Variants in NSD1 observed in about 807,000 individuals in gnomAD.
The protein encoded by NSD1 is histone-lysine N-methyltransferase, H3 lysine-36 specific.
A neutral mutation model predicts 242.7 loss-of-function variants in NSD1; 26 were observed. The ratio of observed to expected loss-of-function variants is 0.11; its 90% CI spans 0.08 to 0.15. NSD1 has a LOEUF of 0.15. Among genes scored for constraint, NSD1 ranks in the 10% least tolerant of loss-of-function variants. The probability of loss-of-function intolerance (pLI) is 1.00; values close to 1 mark genes in which losing one functional copy is unlikely to be tolerated. For missense variants in NSD1, 2,495 were observed against 3,272.8 expected (o/e 0.76, Z 5.80); for synonymous variants, 1,106 against 1,178.1 (o/e 0.94, Z 1.25).
chr5:177,192,975 C>A (rs532715165), intron 3 of NSD1, among the ~76,000 whole-genome samples: 4 of 152,158 alleles, frequency 2.6e-5, no homozygotes, highest in African/African-American at 9.6e-5. Flanking sequence ...AATATAAAAG[C>A]TGAAACAATT....
intron 5 of NSD1, among the ~76,000 whole-genome samples, chr5:177,220,821 T>G (rs1366270438): frequency 6.6e-6 from 1 of 152,094 alleles, no homozygotes; most frequent in Non-Finnish European, 1.5e-5. Flanking sequence ...TCCACCTGCC[T>G]TAGCTTCTCA....
In NSD1 at chr5:177,212,445, ATCTT is replaced by A. The variant is rs200389124; in HGVS notation, c.3796+258_3796+261del. 1.3e-3 allele frequency among the ~76,000 whole-genome samples: 192 copies of A among 149,252 alleles called. 4 individuals are homozygous for A. Among genetic ancestry groups the A allele is most frequent in the Admixed American group, 9.2e-3 (139 of 15,032 alleles). On this transcript the variant is annotated intron_variant, in intron 5 of 22. Transcript: ENST00000439151. The stretch of plus-strand genomic sequence containing the variant: ...ACCTTTTCAAGTAAATCTCTATAAC[ATCTT>A]TCTTTCTCACTTTCTCTCTCTCTCT...
At chr5:177,226,333 C>T (rs1270260204) in intron 5 of NSD1, among the ~76,000 whole-genome samples, 2 of 152,242 alleles carry the variant, frequency 1.3e-5, no homozygotes, top group South Asian at 4.1e-4. Flanking sequence ...CCGGGCCCGG[C>T]CAGTAGTGTG....
At chr5:177,250,412 C>T (rs374796319) in intron 11 of NSD1, among the ~76,000 whole-genome samples, 2 of 152,246 alleles carry the variant, frequency 1.3e-5, no homozygotes, top group African/African-American at 4.8e-5. Flanking sequence ...ATTAATAGCA[C>T]TTCTTTTCAC....
chr5:177,181,427 GTTTT>G (rs34848476), intron 2 of NSD1, among the ~76,000 whole-genome samples: 5 of 117,336 alleles, frequency 4.3e-5, no homozygotes, highest in African/African-American at 1.8e-4. Flanking sequence ...TTTTTTTTTG[GTTTT>G]TTTTTTTTTT....
intron 19 of NSD1, 130 bp from the exon 20 acceptor site, chr5:177,283,657 T>C (rs746537049): frequency 8.5e-6 from 9 of 1,063,922 alleles, no homozygotes; most frequent in Admixed American, 3.9e-5. Context: ...CCAAAGTTCT[T>C]TGGGATCTTT....
At position 177,199,760 on chromosome 5, in the gene NSD1, C is replaced by T. The variant is rs565396025; in HGVS notation, c.1064-4360C>T. ...GATTACAGGCACCTGCCACCACGCC[C>T]GGCTAATTTAATTTTTAGTAGAGAC... is the stretch of plus-strand genomic sequence containing the variant. On this transcript the variant is annotated intron_variant, in intron 3 of 22. Transcript: ENST00000439151. Among the ~76,000 whole-genome samples the T allele has an allele frequency of 1.1e-3, 166 of 151,934 alleles. 1 individual carries two copies. The highest frequency in any genetic ancestry group is 3.8e-3 in the African/African-American group (156 of 41,416).
intron 2 of NSD1, among the ~76,000 whole-genome samples, chr5:177,149,649 G>A (rs530549897): frequency 6.6e-6 from 1 of 152,244 alleles, no homozygotes; most frequent in South Asian, 2.1e-4. Flanking sequence ...TTCCACCTTA[G>A]ATTATCACGC....
At chr5:177,243,236 G>A (rs937811567) in intron 8 of NSD1, among the ~76,000 whole-genome samples, 1 of 151,998 alleles carries the variant, frequency 6.6e-6, no homozygotes, top group Non-Finnish European at 1.5e-5. Context: ...GGCTGTTGTA[G>A]TGCAGTGGCG....
At chr5:177,195,570 C>T (rs1013384544) in intron 3 of NSD1, among the ~76,000 whole-genome samples, 5 of 152,058 alleles carry the variant, frequency 3.3e-5, no homozygotes, top group East Asian at 1.9e-4. Flanking sequence ...CAGGGTCAAG[C>T]GATCTTCCCT....
intron 14 of NSD1, chr5:177,265,587 C>CT: frequency 7.8e-7 from 1 of 1,287,790 alleles, no homozygotes; most frequent in Non-Finnish European, 1.1e-6. Flanking sequence ...ATCCTGTAGT[C>CT]TGTGGAGCAG....
At position 177,298,986 on chromosome 5, in the gene NSD1, C is replaced by T; in HGVS notation, c.*3527C>T. On this transcript the variant is annotated 3_prime_UTR_variant, in exon 23 of 23. Coordinates refer to ENST00000439151, the MANE Select transcript of NSD1 (RefSeq NM_022455.5). ...GGCAGAGAAGGAGCTGCCTCCAGCC[C>T]CTTTCTTGCTGAGTTTCATTTGAGC... 2 of 233,180 alleles carry T rather than the reference C, an allele frequency of 8.6e-6. No homozygotes were observed. The allele number at this position is 233,180 out of a possible 1,614,324, so 14.4% of individuals were successfully genotyped here. A position where few individuals can be genotyped will look rare whatever the true frequency, so the allele number is the denominator to read the frequency against.
intron 5 of NSD1, among the ~76,000 whole-genome samples, chr5:177,215,947 A>G (rs1013102568): frequency 1.3e-5 from 2 of 151,448 alleles, no homozygotes; most frequent in Non-Finnish European, 2.9e-5. Flanking sequence ...TGCAGCCTCA[A>G]ACTCCTGGGC....
chr5:177,158,237 ATTTCTTTC>A (rs1166834243), intron 2 of NSD1, among the ~76,000 whole-genome samples: 9,782 of 108,110 alleles, frequency 0.09, 754 homozygotes, highest in Middle Eastern at 0.17. Context: ...ATGGGTTCTA[ATTTCTTTC>A]TTTCTTTCTT....
At chr5:177,279,389 C>T (rs1381465693) in intron 17 of NSD1, among the ~76,000 whole-genome samples, 11 of 151,928 alleles carry the variant, frequency 7.2e-5, no homozygotes, top group Non-Finnish European at 1.5e-4. Context: ...TCCCAGCTAC[C>T]TGGGAGGCTG....
chr5:177,139,010 G>A (rs1756582719), intron 2 of NSD1, among the ~76,000 whole-genome samples: 1 of 150,720 alleles, frequency 6.6e-6, no homozygotes, highest in Admixed American at 6.6e-5. Flanking sequence ...AGCACTTTGG[G>A]AGGCTGAGGC....
At chr5:177,139,941 CA>C (rs58879575) in intron 2 of NSD1, among the ~76,000 whole-genome samples, 2,220 of 95,396 alleles carry the variant, frequency 0.023, 36 homozygotes, top group African/African-American at 0.058. Context: ...AAGATCCTGT[CA>C]AAAAAAAAAA....
chr5:177,233,783 C>G (rs1271794299), intron 5 of NSD1, among the ~76,000 whole-genome samples: 2 of 152,122 alleles, frequency 1.3e-5, no homozygotes, highest in Non-Finnish European at 2.9e-5. Flanking sequence ...TCCTTGAAAA[C>G]TCTTCGGCTC....
At chr5:177,280,519 T>A in intron 17 of NSD1, 46 bp from the exon 18 acceptor site, 1 of 1,613,894 alleles carries the variant, frequency 6.2e-7, no homozygotes, top group Non-Finnish European at 8.5e-7. Context: ...GTGAATTGTC[T>A]TCTGCTGACT....
Sources: allele counts gnomAD v4.1 joint callset (sites outside exome capture counted in the v4.1 genomes callset), GRCh38; gene constraint gnomAD v4.1.1; transcripts MANE v1.5; gene names NCBI Gene and HGNC (gene_info 2026-07-23, HGNC 2026-07-21).